Variants in GNL3L observed in about 807,000 individuals in gnomAD.
GNL3L encodes G protein nucleolar 3 like.
Under a neutral mutation model 42.9 loss-of-function variants are expected in GNL3L, and 4 were observed. The ratio of observed to expected loss-of-function variants is 0.09; its 90% confidence interval spans 0.05 to 0.21. The LOEUF is 0.21. Among genes scored for constraint, GNL3L ranks in the 10% least tolerant of loss-of-function variants. GNL3L has a pLI of 1.00. For missense variants in GNL3L, 412 were observed against 481.7 expected, an observed-to-expected ratio of 0.86 and a Z score of 1.36; for synonymous variants, 159 against 176.3, an observed-to-expected ratio of 0.90 and a Z score of 0.78.
At chrX:54,626,827 A>G in the GNL3L span, among the ~76,000 whole-genome samples, 1 of 110,864 alleles carries the variant, frequency 9.0e-6, no homozygotes, top group African/African-American at 3.3e-5. Context: ...AGAAATATCT[A>G]TTTAGTTCTT....
intron 16 of GNL3L, among the ~76,000 whole-genome samples, chrX:54,619,108 A>T (rs1416705259): frequency 2.7e-5 from 3 of 111,662 alleles, no homozygotes; most frequent in Non-Finnish European, 5.6e-5. Context: ...TCAGAATATT[A>T]AGCATGTATA....
chrX:54,585,387 A>G (rs5961090), intron 16 of GNL3L, among the ~76,000 whole-genome samples: 38,624 of 109,121 alleles, frequency 0.35, 8,460 homozygotes, highest in African/African-American at 0.8. Flanking sequence ...ATATGACCCT[A>G]GTCTTTTCTT....
chrX:54,559,480 CTT>C (rs1399390448), intron 15 of GNL3L, among the ~76,000 whole-genome samples: 1 of 111,788 alleles, frequency 8.9e-6, no homozygotes, highest in East Asian at 2.8e-4. Context: ...TCTTTGTTCT[CTT>C]TTTCCACACA....
chrX:54,568,213 C>T (rs1430940531), downstream of GNL3L, among the ~76,000 whole-genome samples: 2 of 111,539 alleles, frequency 1.8e-5, no homozygotes, highest in Middle Eastern at 4.7e-3. Context: ...GTGATCCGCC[C>T]GCCTCAGGCT....
At chrX:54,548,097 CT>C in intron 8 of GNL3L, 131 bp from the exon 9 acceptor site, 2 of 487,448 alleles carry the variant, frequency 4.1e-6, no homozygotes, top group Non-Finnish European at 3.6e-6. Flanking sequence ...TGTTCAAGAT[CT>C]GTGTGAGAAG....
chrX:54,625,291 T>TTTG (rs771134241), downstream of GNL3L, among the ~76,000 whole-genome samples: 4 of 86,673 alleles, frequency 4.6e-5, no homozygotes, highest in African/African-American at 3.1e-4. Context: ...TTTGTTTTGT[T>TTTG]TTTTTTTTTT....
intron 16 of GNL3L, among the ~76,000 whole-genome samples, chrX:54,602,682 T>C (rs1926017660): frequency 9.0e-6 from 1 of 111,304 alleles, no homozygotes; most frequent in Non-Finnish European, 1.9e-5. Context: ...CTTGATGAAA[T>C]AGGTGGCCAT....
At chrX:54,584,322 C>T (rs1244973729) in intron 16 of GNL3L, among the ~76,000 whole-genome samples, 2 of 110,625 alleles carry the variant, frequency 1.8e-5, no homozygotes, top group Admixed American at 9.7e-5. Flanking sequence ...ATGAGCACTG[C>T]TCCCGGCCAT....
intron 16 of GNL3L, among the ~76,000 whole-genome samples, chrX:54,575,119 C>T (rs931780870): frequency 9.0e-6 from 1 of 111,521 alleles, no homozygotes; most frequent in Admixed American, 9.6e-5. Flanking sequence ...TTTGTAGATT[C>T]CTGCTCTAAT....
chrX:54,556,150 ACTG>A (rs1170676528), intron 14 of GNL3L, among the ~76,000 whole-genome samples: 1 of 111,112 alleles, frequency 9.0e-6, no homozygotes, highest in Non-Finnish European at 1.9e-5. Flanking sequence ...CCGTTTTCAT[ACTG>A]CTGTAAAGAG....
chrX:54,601,870 G>T lies in GNL3L; in HGVS notation c.*46-18975G>T, dbSNP rs1452899308. Among the ~76,000 whole-genome samples the T allele has an allele frequency of 1.3e-4, 15 of 112,068 alleles. No individual in the cohort carries two copies. The Admixed American group carries it at 1.4e-3, about 11-fold the overall frequency. On this transcript the variant is annotated intron_variant, in intron 16 of 16. Transcript: ENST00000674498. ...TTTTGAGAATAGCTTCGTTTATTCA[G>T]TGTAGTGCCTTTGAGATTCATTGAA...
At chrX:54,630,706 CTT>C in the GNL3L span, among the ~76,000 whole-genome samples, 2,041 of 30,333 alleles carry the variant, frequency 0.067, 69 homozygotes, top group Middle Eastern at 0.077. Flanking sequence ...TCCTTTCTTT[CTT>C]TTTCTTTCTT....
chrX:54,603,780 G>A (rs1003641136), intron 16 of GNL3L, among the ~76,000 whole-genome samples: 6 of 111,341 alleles, frequency 5.4e-5, no homozygotes, highest in African/African-American at 2.0e-4. Flanking sequence ...TACTCTCTGG[G>A]TGAAGAATAC....
At chrX:54,538,906 G>A (rs1017244173) in intron 2 of GNL3L, 134 bp from the exon 3 acceptor site, 2 of 429,506 alleles carry the variant, frequency 4.7e-6, no homozygotes, top group African/African-American at 2.5e-5. Context: ...CTCTTGTCTT[G>A]TGCTGGATCT....
At chrX:54,574,150 C>CT (rs1363247561) in intron 16 of GNL3L, among the ~76,000 whole-genome samples, 1 of 111,580 alleles carries the variant, frequency 9.0e-6, no homozygotes, top group Non-Finnish European at 1.9e-5. Flanking sequence ...TCTCAACTCA[C>CT]TATACTGACT....
downstream of GNL3L, among the ~76,000 whole-genome samples, chrX:54,625,104 A>G (rs960730617): frequency 9.0e-6 from 1 of 110,929 alleles, no homozygotes; most frequent in Non-Finnish European, 1.9e-5. Context: ...AATTGAGCCC[A>G]TAACACTTTC....
chrX:54,612,289 C>T (rs1569542670), intron 16 of GNL3L, among the ~76,000 whole-genome samples: 2 of 111,377 alleles, frequency 1.8e-5, no homozygotes, highest in Non-Finnish European at 3.8e-5. Context: ...TTTTCCCACC[C>T]CTTTACTTTA....
chrX:54,541,954 C>G (rs1167324708), intron 5 of GNL3L, among the ~76,000 whole-genome samples: 1 of 110,889 alleles, frequency 9.0e-6, no homozygotes, highest in Non-Finnish European at 1.9e-5. Context: ...TGTGCACACT[C>G]AGGTCTCCAC....
downstream of GNL3L, among the ~76,000 whole-genome samples, chrX:54,569,478 G>A (rs1029440706): frequency 3.6e-5 from 4 of 111,744 alleles, no homozygotes; most frequent in African/African-American, 1.3e-4. Flanking sequence ...TTGTAAAGTT[G>A]TTAATATCCT....
Sources: gnomAD v4.1 joint callset for allele counts (sites outside exome capture counted in the v4.1 genomes callset) on GRCh38, gnomAD v4.1.1 for gene constraint, MANE v1.5 for transcripts, NCBI Gene and HGNC (gene_info 2026-07-23, HGNC 2026-07-21) for gene names.